SGCZ: variants seen among roughly 807,000 people sequenced by gnomAD.
SGCZ encodes sarcoglycan zeta.
SGCZ carries 40 observed loss-of-function variants against 41.3 expected under a neutral mutation model. That is an observed-to-expected ratio of 0.97 (90% confidence interval 0.75 to 1.26). The LOEUF is 1.26. Among genes scored for constraint, SGCZ ranks in the 50% most tolerant of loss-of-function variants. The pLI is 0.00. For synonymous variants in SGCZ, 206 were observed against 137.5 expected (o/e 1.50, Z -3.49); for missense variants, 552 against 369.8 (o/e 1.49, Z -4.04).
intron 1 of SGCZ, among the ~76,000 whole-genome samples, chr8:14,778,114 G>C (rs560469908): frequency 6.6e-6 from 1 of 151,962 alleles, no homozygotes; most frequent in Non-Finnish European, 1.5e-5. Context: ...TTTTTGTAAA[G>C]ATGAGGTCTC....
At chr8:14,924,077 A>G (rs1168232280) in intron 1 of SGCZ, among the ~76,000 whole-genome samples, 1 of 152,246 alleles carries the variant, frequency 6.6e-6, no homozygotes, top group Admixed American at 6.5e-5. Context: ...TGATGAAGGC[A>G]GTAAAGCCAC....
At chr8:14,368,396 C>T (rs558957999) in intron 2 of SGCZ, among the ~76,000 whole-genome samples, 4 of 151,978 alleles carry the variant, frequency 2.6e-5, no homozygotes, top group South Asian at 2.1e-4. Context: ...ATACATTATC[C>T]GTTAGATAGA....
At chr8:14,374,655 T>A (rs945869727) in intron 2 of SGCZ, among the ~76,000 whole-genome samples, 2 of 152,180 alleles carry the variant, frequency 1.3e-5, no homozygotes, top group Admixed American at 1.3e-4. Context: ...CCAGACCACA[T>A]ACTGCCATGT....
chr8:14,713,623 G>C (rs1285448647), intron 1 of SGCZ, among the ~76,000 whole-genome samples: 1 of 146,692 alleles, frequency 6.8e-6, no homozygotes, highest in African/African-American at 2.5e-5. Flanking sequence ...TTGGAAAATA[G>C]AATTGATCAG....
chr8:14,864,104 C>G lies in SGCZ; in HGVS notation c.40-309178G>C, dbSNP rs191185030. Among the ~76,000 whole-genome samples, 612 of 152,204 alleles carry G rather than the reference C, an allele frequency of 4.0e-3. 4 individuals carry two copies. The highest frequency in any genetic ancestry group is 0.018 in the South Asian group (88 of 4,820). The stretch of plus-strand genomic sequence containing the variant: ...TACTAAATTCCTATTTCAACATATT[C>G]TTGAACTAGATGCTCATTTAGAAGG... On this transcript the variant is annotated intron_variant, in intron 1 of 7. Transcript: ENST00000382080.
At chr8:15,194,131 A>T (rs972822421) in intron 1 of SGCZ, among the ~76,000 whole-genome samples, 5 of 150,872 alleles carry the variant, frequency 3.3e-5, no homozygotes, top group African/African-American at 9.7e-5. Context: ...TAGTTTTAGT[A>T]CTTCTTATCC....
intron 1 of SGCZ, among the ~76,000 whole-genome samples, chr8:14,632,985 ATATT>A (rs1186744288): frequency 6.6e-6 from 1 of 151,838 alleles, no homozygotes; most frequent in Non-Finnish European, 1.5e-5. Flanking sequence ...TTATATATAT[ATATT>A]ATTTTAAAAC....
chr8:14,342,813 G>C (rs566843344), intron 2 of SGCZ, among the ~76,000 whole-genome samples: 14 of 152,354 alleles, frequency 9.2e-5, no homozygotes, highest in African/African-American at 2.9e-4. Flanking sequence ...AAGGAACCTA[G>C]TGTTAATCAC....
chr8:15,108,424 T>C (rs912051005), intron 1 of SGCZ, among the ~76,000 whole-genome samples: 5 of 152,220 alleles, frequency 3.3e-5, no homozygotes, highest in African/African-American at 1.2e-4. Flanking sequence ...AATCCATTTG[T>C]TGCATAGGAA....
intron 4 of SGCZ, chr8:14,165,444 A>T (rs998608003): frequency 2.0e-5 from 3 of 152,138 alleles, no homozygotes; most frequent in Non-Finnish European, 2.9e-5. Context: ...TAGTTTGAGT[A>T]TTAGGCTTTG....
rs887451232 is a variant in SGCZ at position 15,185,568 on chromosome 8, A to C, written c.39+52017T>G. 5.3e-5 allele frequency among the ~76,000 whole-genome samples: 8 copies of C among 152,154 alleles called. 1 individual carries two copies. Among genetic ancestry groups the C allele is most frequent in the Non-Finnish European group, 8.8e-5 (6 of 68,038 alleles). ...TATCTTTATATCTGTCTAGTCATGCATGACTTCTTCAAGAAGGGCAAATGA... is the reference window on the plus strand; with the variant it reads ...TATCTTTATATCTGTCTAGTCATGCCTGACTTCTTCAAGAAGGGCAAATGA... On this transcript the variant is annotated intron_variant, in intron 1 of 7. Transcript: ENST00000382080.
At chr8:14,100,567 T>TAG (rs1801986583) in intron 7 of SGCZ, among the ~76,000 whole-genome samples, 2 of 133,724 alleles carry the variant, frequency 1.5e-5, no homozygotes, top group African/African-American at 5.5e-5. Context: ...ATATTATATA[T>TAG]TAATATATTT....
chr8:15,113,401 T>A (rs1463275145), intron 1 of SGCZ, among the ~76,000 whole-genome samples: 1 of 152,148 alleles, frequency 6.6e-6, no homozygotes, highest in African/African-American at 2.4e-5. Context: ...CTCTTACAAG[T>A]CCTCAATTCA....
At chr8:14,091,517 C>T (rs909338227) in intron 7 of SGCZ, among the ~76,000 whole-genome samples, 2 of 152,128 alleles carry the variant, frequency 1.3e-5, no homozygotes, top group Admixed American at 1.3e-4. Context: ...GACTGCCATT[C>T]TAACTGGCCT....
At chr8:14,100,639 A>G (rs985256717) in intron 7 of SGCZ, among the ~76,000 whole-genome samples, 1 of 149,068 alleles carries the variant, frequency 6.7e-6, no homozygotes, top group African/African-American at 2.4e-5. Flanking sequence ...TCAAAATATT[A>G]TACATTAGAT....
chr8:14,709,743 G>C (rs1447614345), intron 1 of SGCZ, among the ~76,000 whole-genome samples: 2 of 151,870 alleles, frequency 1.3e-5, no homozygotes, highest in Admixed American at 1.3e-4. Flanking sequence ...GGCAATGCTA[G>C]AACCATCCAT....
intron 1 of SGCZ, among the ~76,000 whole-genome samples, chr8:14,560,159 T>G (rs984757544): frequency 6.6e-6 from 1 of 152,080 alleles, no homozygotes; most frequent in Non-Finnish European, 1.5e-5. Flanking sequence ...AGGGAAATTA[T>G]AGTTAACAAT....
At chr8:14,568,075 AC>A (rs80019928) in intron 1 of SGCZ, among the ~76,000 whole-genome samples, 25,345 of 152,038 alleles carry the variant, frequency 0.17, 3,043 homozygotes, top group African/African-American at 0.34. Flanking sequence ...AAACTAAAGA[AC>A]CTTTGCAGGC....
At chr8:14,625,499 T>C (rs572890651) in intron 1 of SGCZ, among the ~76,000 whole-genome samples, 1 of 152,336 alleles carries the variant, frequency 6.6e-6, no homozygotes, top group South Asian at 2.1e-4. Flanking sequence ...CTAGACTATA[T>C]GGAAGGGAAA....
Sources: gnomAD v4.1 joint callset for allele counts (sites outside exome capture counted in the v4.1 genomes callset) on GRCh38, gnomAD v4.1.1 for gene constraint, MANE v1.5 for transcripts, NCBI Gene and HGNC (gene_info 2026-07-23, HGNC 2026-07-21) for gene names.